Variants in ATG7 observed in about 807,000 individuals in gnomAD.
ATG7 encodes autophagy related 7, also known as ubiquitin-like modifier-activating enzyme ATG7.
In ATG7, 70 loss-of-function variants were observed where a neutral mutation model predicts 82.4. The observed-to-expected ratio is 0.85, with a 90% CI of 0.70 to 1.04. The LOEUF is 1.04. Ranked by LOEUF, ATG7 falls within the 50% of genes least tolerant of loss-of-function variation. The pLI is 0.00. For missense variants in ATG7, 792 were observed against 864.3 expected, an observed-to-expected ratio of 0.92 and a Z score of 1.05; for synonymous variants, 287 against 313.0, an observed-to-expected ratio of 0.92 and a Z score of 0.88.
chr3:11,564,855 A>G, the ATG7 span: 2 of 1,607,342 alleles, frequency 1.2e-6, no homozygotes, highest in African/African-American at 2.7e-5. Context: ...GCTGGCGTCC[A>G]GGCTGTTCTT....
At chr3:11,444,549 G>A (rs1467792891) in intron 20 of ATG7, among the ~76,000 whole-genome samples, 1 of 152,050 alleles carries the variant, frequency 6.6e-6, no homozygotes, top group Non-Finnish European at 1.5e-5. Context: ...GAATTGTTGG[G>A]TCGTAGAAAA....
At chr3:11,283,299 C>G (rs1943385864) in intron 3 of ATG7, among the ~76,000 whole-genome samples, 1 of 152,136 alleles carries the variant, frequency 6.6e-6, no homozygotes, top group Non-Finnish European at 1.5e-5. Flanking sequence ...GGAAGGGGAA[C>G]CACATTAGTC....
chr3:11,348,207 C>G (rs1446447658), intron 14 of ATG7, 172 bp downstream of exon 14: 1 of 913,520 alleles, frequency 1.1e-6, no homozygotes, highest in Non-Finnish European at 1.6e-6. Context: ...TAAAAAAACA[C>G]AACCAGGTCA....
intron 20 of ATG7, among the ~76,000 whole-genome samples, chr3:11,503,687 C>T (rs972811342): frequency 2.3e-5 from 3 of 131,742 alleles, no homozygotes; most frequent in African/African-American, 8.5e-5. Context: ...ACCCAGGAGG[C>T]GGAGGTTGCA....
At chr3:11,301,481 T>A (rs912202369) in intron 5 of ATG7, among the ~76,000 whole-genome samples, 1 of 152,216 alleles carries the variant, frequency 6.6e-6, no homozygotes, top group Non-Finnish European at 1.5e-5. Context: ...AATACTTTTT[T>A]TCCCTTTATC....
chr3:11,484,812 C>A (rs6806306), intron 20 of ATG7, among the ~76,000 whole-genome samples: 78,828 of 151,688 alleles, frequency 0.52, 21,401 homozygotes, highest in East Asian at 0.66. Flanking sequence ...TTTGTTCTTG[C>A]GATAGTTTAC....
intron 20 of ATG7, among the ~76,000 whole-genome samples, chr3:11,449,313 A>G (rs990813042): frequency 1.3e-5 from 2 of 152,186 alleles, no homozygotes; most frequent in African/African-American, 4.8e-5. Flanking sequence ...TTGAGGCTGC[A>G]GTGAGCTATG....
At chr3:11,473,410 A>G (rs1487942230) in intron 20 of ATG7, among the ~76,000 whole-genome samples, 1 of 152,238 alleles carries the variant, frequency 6.6e-6, no homozygotes, top group African/African-American at 2.4e-5. Flanking sequence ...TGGGATGGAT[A>G]TCATTATCCC....
At chr3:11,395,887 C>T (rs150198875) in intron 19 of ATG7, among the ~76,000 whole-genome samples, 175 of 128,642 alleles carry the variant, frequency 1.4e-3, no homozygotes, top group African/African-American at 4.7e-3. Context: ...TCGCAGTGAG[C>T]GGAGGTCACA....
downstream of ATG7, chr3:11,558,418 A>G (rs1575336813): frequency 1.5e-6 from 2 of 1,356,736 alleles, no homozygotes; most frequent in South Asian, 3.0e-5. Flanking sequence ...ACAAATCCCA[A>G]CAACATGGTT....
chr3:11,458,230 A>C (rs1048497830), intron 20 of ATG7, among the ~76,000 whole-genome samples: 5 of 151,798 alleles, frequency 3.3e-5, no homozygotes, highest in African/African-American at 1.2e-4. Flanking sequence ...TGGTGTTTTA[A>C]GTGGAACACA....
chr3:11,541,107 A>G (rs546812551), intron 20 of ATG7, among the ~76,000 whole-genome samples: 13 of 152,068 alleles, frequency 8.5e-5, no homozygotes, highest in East Asian at 1.9e-4. Flanking sequence ...TCACCATGTT[A>G]GCCAGGATGG....
intron 20 of ATG7, among the ~76,000 whole-genome samples, chr3:11,429,232 A>G (rs936888264): frequency 6.6e-6 from 1 of 152,178 alleles, no homozygotes. Flanking sequence ...GTGGTGGCTC[A>G]CAGCTGTAAT....
chr3:11,575,683 G>T, the ATG7 span, among the ~76,000 whole-genome samples: 1 of 152,256 alleles, frequency 6.6e-6, no homozygotes, highest in Admixed American at 6.5e-5. Context: ...AGACCTGTCG[G>T]AAACGCTGCT....
At chr3:11,366,992 T>TGTGTGG (rs2076662820) in intron 18 of ATG7, among the ~76,000 whole-genome samples, 1 of 151,510 alleles carries the variant, frequency 6.6e-6, no homozygotes, top group African/African-American at 2.4e-5. Context: ...TGTGTGTGTG[T>TGTGTGG]GTGTGTGTGT....
At chr3:11,276,200 A>C (rs944850697) in intron 1 of ATG7, among the ~76,000 whole-genome samples, 5 of 152,134 alleles carry the variant, frequency 3.3e-5, no homozygotes, top group Non-Finnish European at 7.4e-5. Flanking sequence ...GCAGCCATTA[A>C]TTAAGGCATC....
Position 11,436,922 on chromosome 3 carries a change from A to G in ATG7, c.2079+9996A>G, listed in dbSNP as rs186366725. Among the ~76,000 whole-genome samples the G allele has an allele frequency of 1.4e-3, 206 of 152,330 alleles. 1 individual carries two copies. The highest frequency in any genetic ancestry group is 4.2e-3 in the African/African-American group (173 of 41,566). On this transcript the variant is annotated intron_variant, in intron 20 of 20. Transcript: ENST00000693202. ...GCAGGTGGGGATGGGGGATTAAGGG[A>G]AAATCAGTGGCTACTTAAAATGTTT...
intron 19 of ATG7, among the ~76,000 whole-genome samples, chr3:11,406,993 C>G (rs1431917125): frequency 6.6e-6 from 1 of 152,240 alleles, no homozygotes; most frequent in African/African-American, 2.4e-5. Context: ...GTCTTCCCAA[C>G]AGTCCCCCAA....
intron 7 of ATG7, among the ~76,000 whole-genome samples, chr3:11,310,588 T>C (rs1040688626): frequency 2.0e-5 from 3 of 152,178 alleles, no homozygotes; most frequent in African/African-American, 7.2e-5. Flanking sequence ...ATTACTTGGC[T>C]CAGTTTGGCA....
Sources: gnomAD v4.1 joint callset for allele counts (sites outside exome capture counted in the v4.1 genomes callset) on GRCh38, gnomAD v4.1.1 for gene constraint, MANE v1.5 for transcripts, NCBI Gene and HGNC (gene_info 2026-07-23, HGNC 2026-07-21) for gene names.